The following RASSF1 variants were observed in gnomAD, a reference collection of about 807,000 sequenced individuals.
The protein encoded by RASSF1 is Ras association domain family member 1.
In RASSF1, 33 loss-of-function variants were observed where a neutral mutation model predicts 34.3. The observed-to-expected ratio is 0.96, with a 90% CI of 0.73 to 1.29. The LOEUF (loss-of-function observed/expected upper bound fraction) is 1.29, where lower values mean the gene tolerates loss of function less well. Ranked by LOEUF, RASSF1 falls within the 50% of genes most tolerant of loss-of-function variation. The pLI is 0.00. For synonymous variants in RASSF1, 191 were observed against 195.0 expected (o/e 0.98, Z 0.17); for missense variants, 445 against 471.8 (o/e 0.94, Z 0.53).
chr3:50,337,355 G>A, intron 2 of RASSF1: 2 of 1,604,442 alleles, frequency 1.2e-6, no homozygotes, highest in African/African-American at 1.3e-5. Flanking sequence ...CTGCGCGTCC[G>A]TAGCCGCCAA....
intron 2 of RASSF1, among the ~76,000 whole-genome samples, chr3:50,335,015 T>C (rs1228987727): frequency 6.6e-6 from 1 of 152,096 alleles, no homozygotes; most frequent in Non-Finnish European, 1.5e-5. Context: ...AGTGGTGCGA[T>C]CTTGGCTCAT....
At chr3:50,331,506 C>A in intron 4 of RASSF1, 53 bp downstream of exon 4, 1 of 1,566,830 alleles carries the variant, frequency 6.4e-7, no homozygotes. Context: ...CCTGCATGCT[C>A]AGGTGCATGC....
intron 2 of RASSF1, chr3:50,337,645 G>GGCGGGAAGGT (rs1469750990): frequency 3.1e-5 from 30 of 980,506 alleles, no homozygotes; most frequent in East Asian, 1.1e-4. Context: ...CGGAGGCGAG[G>GGCGGGAAGGT]GCGGGAAGGT....
chr3:50,338,558 G>A (rs908323433), intron 1 of RASSF1, among the ~76,000 whole-genome samples: 1 of 152,200 alleles, frequency 6.6e-6, no homozygotes, highest in South Asian at 2.1e-4. Context: ...GGGACTACAG[G>A]CTTGAGCCAC....
rs767231138 is a variant in RASSF1, at chr3:50,331,698, G to C, written c.621C>G (p.Pro207=). The change falls in exon 4 of 6, where the codon CCC becomes CCG. Residue 207 remains proline, a synonymous_variant. Transcript: ENST00000359365. ...SVRRRTSFYL[P]KDAVKHLHVL... is the part of the protein sequence containing the mutation. ...CATGCAGGTGCTTGACAGCATCCTT[G>C]GGCAGGTAAAAGGAAGTGCGGCGCC... is the stretch of plus-strand genomic sequence containing the variant. 15 of 1,613,134 alleles carry C rather than the reference G, an allele frequency of 9.3e-6. No homozygotes were observed. Among genetic ancestry groups the C allele is most frequent in the African/African-American group, 2.7e-5 (2 of 74,908 alleles).
chr3:50,337,120 G>T, intron 2 of RASSF1: 1 of 1,517,992 alleles, frequency 6.6e-7, no homozygotes. Flanking sequence ...CGGGGAGGGC[G>T]GAGCTCCAGC....
chr3:50,340,198 G>T (rs1393177651), intron 1 of RASSF1, among the ~76,000 whole-genome samples: 1 of 152,148 alleles, frequency 6.6e-6, no homozygotes, highest in Non-Finnish European at 1.5e-5. Flanking sequence ...CACCCTAAAG[G>T]TTCTGGAGGG....
At chr3:50,339,356 T>C (rs1703277427) in intron 1 of RASSF1, among the ~76,000 whole-genome samples, 1 of 148,880 alleles carries the variant, frequency 6.7e-6, no homozygotes, top group Non-Finnish European at 1.5e-5. Flanking sequence ...GTCCCAGCCT[T>C]GTTCTTTTTT....
At chr3:50,337,247 C>G in intron 2 of RASSF1, 1 of 1,613,112 alleles carries the variant, frequency 6.2e-7, no homozygotes, top group Non-Finnish European at 8.5e-7. Flanking sequence ...TCCGAGTCCT[C>G]TTGGCTGCAG....
Position 50,332,080 on chromosome 3 carries a change from G to C in RASSF1, c.432C>G (p.Ala144=). Residue 144 remains alanine (A), a synonymous_variant, in exon 3 of 6, where the codon GCC becomes GCG. Coordinates refer to ENST00000359365, the MANE Select transcript of RASSF1 (RefSeq NM_007182.5). ...TCATGAAGAGGTTGCTGTTGATCTG[G>C]GCATTGTACTCCTTGATCTTCTGCT... The part of the protein sequence containing the change: ...EIEQKIKEYN[A]QINSNLFMSL... 1 of 1,614,108 alleles carries C rather than the reference G, an allele frequency of 6.2e-7. No individual in the cohort carries two copies. The highest frequency in any genetic ancestry group is 1.6e-4 in the Middle Eastern group (1 of 6,062).
chr3:50,338,953 A>G (rs1306990787), intron 1 of RASSF1, among the ~76,000 whole-genome samples: 1 of 152,110 alleles, frequency 6.6e-6, no homozygotes, highest in Admixed American at 6.5e-5. Context: ...TCCTTTGCAG[A>G]TTCTGACTCA....
chr3:50,332,009 C>A, intron 3 of RASSF1, 41 bp downstream of exon 3: 7 of 1,601,524 alleles, frequency 4.4e-6, no homozygotes, highest in Non-Finnish European at 6.0e-6. Context: ...TAGCTGGGTA[C>A]CTGCTCCTCC....
chr3:50,338,293 A>G lies in RASSF1; in HGVS notation c.251-282T>C, dbSNP rs587767472. On this transcript the variant is annotated intron_variant, in intron 1 of 5. Coordinates refer to ENST00000359365, the MANE Select transcript of RASSF1 (RefSeq NM_007182.5). ...CTCATTGGCAATTAAAAAAACAACAACAAAAAACTGCGTCTTGCTTTTGTC... is the reference window on the plus strand; with the variant it reads ...CTCATTGGCAATTAAAAAAACAACAGCAAAAAACTGCGTCTTGCTTTTGTC... The G allele has an allele frequency of 2.8e-6, 3 of 1,056,156 alleles. No individual in the cohort carries two copies. In the African/African-American group the frequency reaches 4.9e-5, roughly 17 times the overall value. The allele number at this position is 1,056,156 out of a possible 1,614,324, so 65.4% of individuals were successfully genotyped here. A position where few individuals can be genotyped will look rare whatever the true frequency, so the allele number is the denominator to read the frequency against.
At chr3:50,337,144 C>A in intron 2 of RASSF1, 1 of 1,582,150 alleles carries the variant, frequency 6.3e-7, no homozygotes, top group Non-Finnish European at 8.6e-7. Flanking sequence ...CGCTTCCCCT[C>A]CCGCCCGCCG....
At chr3:50,331,994 G>A in intron 3 of RASSF1, 56 bp downstream of exon 3, 7 of 1,591,690 alleles carry the variant, frequency 4.4e-6, no homozygotes, top group South Asian at 2.2e-5. Flanking sequence ...TGAGTATCAG[G>A]CACATAGCTG....
intron 2 of RASSF1, among the ~76,000 whole-genome samples, chr3:50,332,922 C>T (rs753914501): frequency 5.9e-5 from 9 of 152,072 alleles, no homozygotes; most frequent in Non-Finnish European, 8.8e-5. Context: ...TGGAGAAACC[C>T]CGTCTCTACT....
chr3:50,336,882 T>A (rs1421110976), intron 2 of RASSF1: 3 of 465,384 alleles, frequency 6.4e-6, no homozygotes, highest in Non-Finnish European at 1.1e-5. Flanking sequence ...TCGGCTTTAG[T>A]CATAGCTGGA....
rs1182856594 is a variant in RASSF1 at position 50,337,998 on chromosome 3, G to A, written c.264C>T (p.Thr88=). 1.3e-6 allele frequency: 2 copies of A among 1,594,540 alleles called. No individual in the cohort carries two copies. The highest frequency in any genetic ancestry group is 1.7e-6 in the Non-Finnish European group (2 of 1,170,842). ...KGLQCAHCKF[T]CHYRCRALVC... is the part of the protein sequence containing the mutation. ...CGAGCGCGCGGCAGCGGTAGTGGCA[G>A]GTGAACTTGCAATCTGCAGAGAGGC... The change falls in exon 2 of 6, where the codon ACC becomes ACT. Residue 88 remains threonine, a synonymous_variant. Coordinates refer to ENST00000359365, the MANE Select transcript of RASSF1 (RefSeq NM_007182.5).
At chr3:50,338,257 C>A (rs931083939) in intron 1 of RASSF1, 4 of 1,262,260 alleles carry the variant, frequency 3.2e-6, no homozygotes, top group Non-Finnish European at 4.0e-6. Context: ...TAGCACAGAA[C>A]TTCCCCTTTC....
Sources: gnomAD v4.1 joint callset for allele counts (sites outside exome capture counted in the v4.1 genomes callset) on GRCh38, gnomAD v4.1.1 for gene constraint, MANE v1.5 for transcripts, NCBI Gene and HGNC (gene_info 2026-07-23, HGNC 2026-07-21) for gene names.